Variants in TMOD3 observed in about 807,000 individuals in gnomAD.
TMOD3 encodes the protein tropomodulin-3.
TMOD3 carries 20 observed loss-of-function variants against 39.2 expected under a neutral mutation model. That is an observed-to-expected ratio of 0.51 (90% confidence interval 0.36 to 0.74). The LOEUF (loss-of-function observed/expected upper bound fraction) is 0.74. Ranked by LOEUF, TMOD3 falls within the 30% of genes least tolerant of loss-of-function variation. TMOD3 has a pLI of 0.00. For missense variants in TMOD3, 381 were observed against 412.8 expected (o/e 0.92, Z 0.67); for synonymous variants, 143 against 145.8 (o/e 0.98, Z 0.14).
chr15:51,872,205 G>A (rs1216904947), intron 3 of TMOD3, among the ~76,000 whole-genome samples: 4 of 152,116 alleles, frequency 2.6e-5, no homozygotes, highest in Admixed American at 6.6e-5. Flanking sequence ...GACCAGCCTG[G>A]CCAACATGGT....
intron 3 of TMOD3, among the ~76,000 whole-genome samples, chr15:51,876,756 C>T (rs1218670181): frequency 6.6e-6 from 1 of 151,792 alleles, no homozygotes; most frequent in African/African-American, 2.4e-5. Flanking sequence ...CCACCGCACC[C>T]GGCCCCAGCG....
chr15:51,887,338 G>T (rs928509167), intron 3 of TMOD3, among the ~76,000 whole-genome samples: 3 of 149,522 alleles, frequency 2.0e-5, no homozygotes, highest in Non-Finnish European at 3.0e-5. Context: ...AAAGCAACTC[G>T]CAATTACTCT....
At chr15:51,887,810 G>A in intron 4 of TMOD3, 99 bp downstream of exon 4, 3 of 1,448,248 alleles carry the variant, frequency 2.1e-6, no homozygotes, top group South Asian at 2.6e-5. Context: ...GCTTTACCTA[G>A]CAAGTACTGT....
intron 5 of TMOD3, among the ~76,000 whole-genome samples, chr15:51,890,003 C>T (rs1364101972): frequency 2.0e-5 from 3 of 152,130 alleles, no homozygotes; most frequent in African/African-American, 7.2e-5. Flanking sequence ...TCTACTTCCC[C>T]AAACACCACC....
At position 51,900,196 on chromosome 15, in the gene TMOD3, C is replaced by T. The variant is rs560922081; in HGVS notation, c.777C>T (p.Ser259=). 2.2e-5 allele frequency: 35 copies of T among 1,614,168 alleles called. No homozygotes were observed. The highest frequency in any genetic ancestry group is 6.7e-5 in the African/African-American group (5 of 75,032). The change falls in exon 8 of 10, where the codon AGC becomes AGT. Residue 259 remains serine, a synonymous_variant. Transcript: ENST00000308580. ...EMLKVNKTLK[S]LNVESNFITG... is the part of the protein sequence containing the mutation. ...TGAAAGTGAACAAAACTTTGAAGAGCTTAAATGTGGAGTCCAACTTTATCA... is the reference window on the plus strand; with the variant it reads ...TGAAAGTGAACAAAACTTTGAAGAGTTTAAATGTGGAGTCCAACTTTATCA...
intron 9 of TMOD3, among the ~76,000 whole-genome samples, chr15:51,904,069 T>C (rs2056665935): frequency 6.6e-6 from 1 of 152,190 alleles, no homozygotes; most frequent in Non-Finnish European, 1.5e-5. Context: ...CCTTAGAAGT[T>C]CTGATTTAGT....
At chr15:51,844,038 T>A (rs2056324755) in intron 1 of TMOD3, among the ~76,000 whole-genome samples, 1 of 152,158 alleles carries the variant, frequency 6.6e-6, no homozygotes, top group Non-Finnish European at 1.5e-5. Flanking sequence ...ATATTTGTTA[T>A]TTTTTCATAT....
intron 3 of TMOD3, among the ~76,000 whole-genome samples, chr15:51,872,889 T>C (rs768218651): frequency 3.9e-5 from 6 of 152,200 alleles, no homozygotes; most frequent in Non-Finnish European, 5.9e-5. Flanking sequence ...ATGGGATGAA[T>C]TTGTGAGTTT....
intron 6 of TMOD3, 93 bp downstream of exon 6, chr15:51,894,038 C>A: frequency 8.3e-7 from 1 of 1,198,732 alleles, no homozygotes. Flanking sequence ...CTAATTCTTT[C>A]TACTTTAACG....
intron 2 of TMOD3, 106 bp from the exon 3 acceptor site, chr15:51,869,111 T>A: frequency 1.6e-6 from 2 of 1,234,256 alleles, no homozygotes; most frequent in Non-Finnish European, 2.3e-6. Flanking sequence ...GTTTAGTGCC[T>A]GTATCACATT....
At chr15:51,858,315 A>G (rs990345024) in intron 1 of TMOD3, 2 of 152,418 alleles carry the variant, frequency 1.3e-5, no homozygotes, top group Admixed American at 1.3e-4. Flanking sequence ...CAGCCTCCCA[A>G]AGTGTTGGGA....
intron 1 of TMOD3, among the ~76,000 whole-genome samples, chr15:51,849,958 G>T (rs2141674954): frequency 6.6e-6 from 1 of 151,904 alleles, no homozygotes; most frequent in South Asian, 2.1e-4. Context: ...AAAAGATGAG[G>T]ACTGAAAATT....
intron 8 of TMOD3, 112 bp downstream of exon 8, chr15:51,900,410 G>C (rs753560273): frequency 1.3e-4 from 154 of 1,223,400 alleles, no homozygotes; most frequent in Non-Finnish European, 1.7e-4. Flanking sequence ...CCTGTTGGAA[G>C]ATGCTGGGCT....
At chr15:51,884,457 C>G (rs1388053627) in intron 3 of TMOD3, 1 of 152,160 alleles carries the variant, frequency 6.6e-6, no homozygotes, top group Non-Finnish European at 1.5e-5. Context: ...ATTGAACAAC[C>G]ATTCACAGAT....
At chr15:51,905,302 A>G in intron 9 of TMOD3, among the ~76,000 whole-genome samples, 1 of 152,182 alleles carries the variant, frequency 6.6e-6, no homozygotes, top group Non-Finnish European at 1.5e-5. Flanking sequence ...GTTTGAGACC[A>G]GCCTGGCCAA....
chr15:51,883,490 T>C (rs1455347989), intron 3 of TMOD3, among the ~76,000 whole-genome samples: 1 of 152,230 alleles, frequency 6.6e-6, no homozygotes, highest in East Asian at 1.9e-4. Flanking sequence ...TTGTGTTGTT[T>C]ATAGTGTGTA....
chr15:51,874,786 T>C (rs200671268), intron 3 of TMOD3, among the ~76,000 whole-genome samples: 1 of 152,188 alleles, frequency 6.6e-6, no homozygotes, highest in East Asian at 1.9e-4. Context: ...ATTTCACGGA[T>C]GGACCAGAGC....
intron 3 of TMOD3, among the ~76,000 whole-genome samples, chr15:51,877,692 A>AG (rs2056511930): frequency 6.6e-6 from 1 of 152,006 alleles, no homozygotes; most frequent in African/African-American, 2.4e-5. Context: ...AAAAAAAAAA[A>AG]AAAAGATGTG....
At chr15:51,902,471 T>G (rs2141708792) in intron 9 of TMOD3, among the ~76,000 whole-genome samples, 1 of 152,150 alleles carries the variant, frequency 6.6e-6, no homozygotes, top group Non-Finnish European at 1.5e-5. Context: ...ACCCAGGTTT[T>G]TTGTTGTTGA....
Sources: gnomAD v4.1 joint callset for allele counts (sites outside exome capture counted in the v4.1 genomes callset) on GRCh38, gnomAD v4.1.1 for gene constraint, MANE v1.5 for transcripts, NCBI Gene and HGNC (gene_info 2026-07-23, HGNC 2026-07-21) for gene names.